The following LRRC4C variants were observed in gnomAD, a reference collection of about 807,000 sequenced individuals.
LRRC4C encodes leucine-rich repeat-containing protein 4C.
Under a neutral mutation model 33.6 loss-of-function variants are expected in LRRC4C, and 5 were observed. That is an observed-to-expected ratio of 0.15 (90% CI 0.08 to 0.31). The LOEUF (loss-of-function observed/expected upper bound fraction) is 0.31, where lower values mean the gene tolerates loss of function less well. Among genes scored for constraint, LRRC4C ranks in the 10% least tolerant of loss-of-function variants. The pLI is 1.00. For synonymous variants in LRRC4C, 329 were observed against 302.0 expected (o/e 1.09, Z -0.93); for missense variants, 560 against 796.7 (o/e 0.70, Z 3.58).
chr11:40,735,224 A>G (rs1947797697), intron 2 of LRRC4C, among the ~76,000 whole-genome samples: 1 of 152,044 alleles, frequency 6.6e-6, no homozygotes, highest in Non-Finnish European at 1.5e-5. Context: ...GGTTGGTTAC[A>G]TATGTATACA....
intron 2 of LRRC4C, among the ~76,000 whole-genome samples, chr11:40,771,173 C>T (rs1214781400): frequency 1.3e-5 from 2 of 152,206 alleles, no homozygotes; most frequent in African/African-American, 2.4e-5. Context: ...TATACATCTT[C>T]TGAAATCTAG....
chr11:40,823,398 A>G (rs528629482), intron 2 of LRRC4C, among the ~76,000 whole-genome samples: 1 of 151,908 alleles, frequency 6.6e-6, no homozygotes, highest in East Asian at 1.9e-4. Context: ...GGGTGGGAGA[A>G]AAGTAAAAAT....
At chr11:41,197,107 C>A (rs1048125600) in intron 1 of LRRC4C, among the ~76,000 whole-genome samples, 2 of 152,032 alleles carry the variant, frequency 1.3e-5, no homozygotes, top group Admixed American at 1.3e-4. Context: ...AGACAGCAAA[C>A]AAGTTACAGC....
At chr11:41,357,485 T>G (rs531120916) in intron 1 of LRRC4C, among the ~76,000 whole-genome samples, 1 of 152,210 alleles carries the variant, frequency 6.6e-6, no homozygotes, top group African/African-American at 2.4e-5. Context: ...GTCTCAATGT[T>G]TCACCTCTGA....
chr11:41,263,886 C>T (rs1949063119), intron 1 of LRRC4C, among the ~76,000 whole-genome samples: 1 of 151,912 alleles, frequency 6.6e-6, no homozygotes, highest in Non-Finnish European at 1.5e-5. Context: ...ACAAACTAGC[C>T]ATTTTAGACT....
intron 5 of LRRC4C, among the ~76,000 whole-genome samples, chr11:40,215,674 TG>T (rs575644051): frequency 2.8e-3 from 426 of 152,282 alleles, no homozygotes; most frequent in Non-Finnish European, 4.8e-3. Context: ...AAACCCCTGC[TG>T]GGTCCAAGAA....
At chr11:40,969,391 G>T (rs1048758888) in intron 1 of LRRC4C, among the ~76,000 whole-genome samples, 38 of 150,392 alleles carry the variant, frequency 2.5e-4, no homozygotes, top group Admixed American at 1.2e-3. Flanking sequence ...ATAAAATTTA[G>T]TTGATAAAGC....
At chr11:41,300,944 T>A (rs1336660469) in intron 1 of LRRC4C, among the ~76,000 whole-genome samples, 2 of 152,198 alleles carry the variant, frequency 1.3e-5, no homozygotes, top group Non-Finnish European at 2.9e-5. Context: ...GGAAGAGGAA[T>A]TTGAGGTTGT....
chr11:40,773,266 A>G (rs1368537348), intron 2 of LRRC4C, among the ~76,000 whole-genome samples: 1 of 152,146 alleles, frequency 6.6e-6, no homozygotes, highest in African/African-American at 2.4e-5. Context: ...ATAGTTAGAG[A>G]AAATTAATAA....
intron 1 of LRRC4C, among the ~76,000 whole-genome samples, chr11:41,038,604 T>C (rs1364394105): frequency 6.6e-6 from 1 of 152,182 alleles, no homozygotes; most frequent in Non-Finnish European, 1.5e-5. Flanking sequence ...GAATCAAAAA[T>C]AGAATATTTA....
chr11:40,212,340 T>C (rs1565140718), intron 5 of LRRC4C, among the ~76,000 whole-genome samples: 5 of 152,074 alleles, frequency 3.3e-5, no homozygotes, highest in African/African-American at 4.8e-5. Flanking sequence ...AAAAACAAAC[T>C]CAATGCTTGT....
intron 2 of LRRC4C, among the ~76,000 whole-genome samples, chr11:40,923,601 T>C (rs953912331): frequency 3.2e-4 from 49 of 152,324 alleles, no homozygotes; most frequent in African/African-American, 1.2e-3. Context: ...CAGAGCTGTC[T>C]ATAATGGATG....
chr11:41,282,157 C>T (rs773298143), intron 1 of LRRC4C, among the ~76,000 whole-genome samples: 4 of 152,174 alleles, frequency 2.6e-5, no homozygotes, highest in African/African-American at 4.8e-5. Flanking sequence ...AGCTGGAGAA[C>T]GGGGGATGCC....
chr11:41,145,546 G>A (rs558828798), intron 1 of LRRC4C, among the ~76,000 whole-genome samples: 73 of 152,288 alleles, frequency 4.8e-4, no homozygotes, highest in African/African-American at 1.7e-3. Flanking sequence ...CAACGGCAGA[G>A]TTGAATAGTT....
At chr11:41,013,334 T>A (rs1034901976) in intron 1 of LRRC4C, among the ~76,000 whole-genome samples, 1 of 152,198 alleles carries the variant, frequency 6.6e-6, no homozygotes, top group Non-Finnish European at 1.5e-5. Context: ...CATTTATTTT[T>A]TTCTTATCAG....
In LRRC4C at chr11:40,364,921, TA is replaced by T. The variant is rs140371295; in HGVS notation, c.-269-45201del. Among the ~76,000 whole-genome samples, 19 of 150,948 alleles carry T rather than the reference TA, an allele frequency of 1.3e-4. No homozygotes were observed. In the South Asian group the frequency reaches 2.1e-3, roughly 17 times the overall value. On this transcript the variant is annotated intron_variant, in intron 3 of 6. Transcript: ENST00000528697. ...ACACTGATTAAAAAATACATGTATG[TA>T]AAAAAAAACCTGTTAACCTAGAATC...
rs560273190 is a variant in LRRC4C, at chr11:40,994,674, C to A, written c.-495-60951G>T. 1.5e-3 allele frequency among the ~76,000 whole-genome samples: 228 copies of A among 152,174 alleles called. 2 individuals carry two copies. Among genetic ancestry groups the A allele is most frequent in the African/African-American group, 5.4e-3 (224 of 41,512 alleles). On this transcript the variant is annotated intron_variant, in intron 1 of 6. Transcript: ENST00000528697. ...AAGCAAAAATTACATATTATGGCAACTAAATTTTCTACCTAATAATTATAA... is the reference window on the plus strand; with the variant it reads ...AAGCAAAAATTACATATTATGGCAAATAAATTTTCTACCTAATAATTATAA...
chr11:40,576,699 T>G (rs1224556764), intron 3 of LRRC4C, among the ~76,000 whole-genome samples: 1 of 152,204 alleles, frequency 6.6e-6, no homozygotes, highest in East Asian at 1.9e-4. Context: ...CTTCATAGTT[T>G]TCTAATTGTG....
chr11:40,581,702 G>A (rs1048250452), intron 3 of LRRC4C, among the ~76,000 whole-genome samples: 1 of 152,104 alleles, frequency 6.6e-6, no homozygotes, highest in Non-Finnish European at 1.5e-5. Context: ...GGGAGTTCGA[G>A]ACCAGCCTGG....
Sources: allele counts gnomAD v4.1 joint callset (sites outside exome capture counted in the v4.1 genomes callset), GRCh38; gene constraint gnomAD v4.1.1; transcripts MANE v1.5; gene names NCBI Gene and HGNC (gene_info 2026-07-23, HGNC 2026-07-21).